Variants in CFAP251 observed in about 807,000 individuals in gnomAD.
CFAP251 encodes cilia and flagella associated protein 251, also known as cilia- and flagella-associated protein 251.
A neutral mutation model predicts 126.7 loss-of-function variants in CFAP251; 93 were observed. The observed-to-expected ratio is 0.73, with a 90% CI of 0.62 to 0.87. The LOEUF (loss-of-function observed/expected upper bound fraction) is 0.87. CFAP251 is among the 40% of genes least tolerant of loss of function. The pLI is 0.00. For missense variants in CFAP251, 1,287 were observed against 1,389.2 expected, an observed-to-expected ratio of 0.93 and a Z score of 1.17; for synonymous variants, 503 against 506.9, an observed-to-expected ratio of 0.99 and a Z score of 0.10.
chr12:121,977,832 G>C (rs1267545297), intron 19 of CFAP251, among the ~76,000 whole-genome samples: 1 of 150,864 alleles, frequency 6.6e-6, no homozygotes, highest in Non-Finnish European at 1.5e-5. Context: ...GGTGGTGGGC[G>C]CCTGTAGTCC....
In CFAP251 at chr12:121,958,958, C is replaced by T. The variant is rs1881830929; in HGVS notation, c.1997C>T (p.Ala666Val). ...GTCATTTCAGGAGCCCTTCTTGGAG[C>T]TGGCTTTACAGAGGGGACAGTTTAC... is the stretch of plus-strand genomic sequence containing the variant. ...TYNPEGALLGAGFTEGTVYIL... is the reference protein window; with the variant it reads ...TYNPEGALLGVGFTEGTVYIL... Residue 666 changes from alanine (A) to valine (V), a missense_variant, in exon 13 of 22, where the codon GCT becomes GTT. Physicochemically the swap from Ala to Val is moderately conservative, Grantham distance 64. Transcript: ENST00000288912. The T allele has an allele frequency of 6.3e-7, 1 of 1,587,944 alleles. No homozygotes were observed. Among genetic ancestry groups the T allele is most frequent in the Admixed American group, 1.9e-5 (1 of 51,702 alleles).
At chr12:121,967,544 T>C (rs763118712) in intron 16 of CFAP251, among the ~76,000 whole-genome samples, 1 of 151,758 alleles carries the variant, frequency 6.6e-6, no homozygotes, top group East Asian at 1.9e-4. Flanking sequence ...CTACTAAAAA[T>C]ACAAAAAATG....
intron 12 of CFAP251, 95 bp from the exon 13 acceptor site, chr12:121,958,848 T>C (rs1013907972): frequency 1.4e-6 from 2 of 1,406,714 alleles, no homozygotes; most frequent in Non-Finnish European, 1.9e-6. Context: ...TGTTAGTTGC[T>C]GTCTTCTCCG....
chr12:121,942,474 G>T, intron 5 of CFAP251, 60 bp from the exon 6 acceptor site: 2 of 1,249,502 alleles, frequency 1.6e-6, no homozygotes, highest in East Asian at 2.4e-5. Context: ...CCTGCCCTGG[G>T]ACTCTCTGGG....
At chr12:121,969,359 A>T in intron 17 of CFAP251, 1 of 985,404 alleles carries the variant, frequency 1.0e-6, no homozygotes, top group Non-Finnish European at 1.2e-6. Context: ...TAGGAGCTGG[A>T]GGTGAACTCT....
intron 2 of CFAP251, 109 bp downstream of exon 2, chr12:121,921,792 C>CTTTTTT (rs3040015): frequency 2.6e-4 from 209 of 796,460 alleles, no homozygotes; most frequent in Middle Eastern, 4.0e-4. Flanking sequence ...CAATCCATTC[C>CTTTTTT]TTTTTTTTTT....
rs1186495771 is a variant in CFAP251 at position 121,966,985 on chromosome 12, C to G, written c.2523C>G (p.Ser841=). ...RKTLLGPAYG[S]PIEQTQVLPV... ...CGCTTCTGGGGCCAGCTTATGGTTC[C>G]CCTATTGAGCAGACACAAGTCCTCC... Residue 841 remains serine (S), a synonymous_variant, in exon 16 of 22, where the codon TCC becomes TCG. Transcript: ENST00000288912. 1.9e-6 allele frequency: 3 copies of G among 1,614,160 alleles called. No individual in the cohort carries two copies. The highest frequency in any genetic ancestry group is 2.5e-6 in the Non-Finnish European group (3 of 1,180,034).
intron 19 of CFAP251, among the ~76,000 whole-genome samples, chr12:121,986,467 T>G (rs544291466): frequency 6.6e-6 from 1 of 151,196 alleles, no homozygotes; most frequent in Admixed American, 6.6e-5. Context: ...CTGGCTAATT[T>G]TTTTTTTGTA....
rs1361481400 is a variant in CFAP251 at position 122,001,407 on chromosome 12, C to T, written c.3236-90C>T. 8.3e-6 allele frequency: 10 copies of T among 1,203,344 alleles called. No homozygotes were observed. In the Admixed American group the frequency reaches 1.7e-4, roughly 21 times the overall value. 74.5% of individuals were successfully genotyped at this position (1,203,344 alleles called of 1,614,324 possible). ...GAAAAAAAAATAGTGGGATAATTCT[C>T]TTTAAGACCTCTGAATAATAACGCT... On this transcript the variant is annotated intron_variant, in intron 20 of 21. Coordinates refer to ENST00000288912, the MANE Select transcript of CFAP251 (RefSeq NM_144668.6).
chr12:121,948,194 G>C (rs1478790214), intron 7 of CFAP251: 1 of 152,130 alleles, frequency 6.6e-6, no homozygotes, highest in African/African-American at 2.4e-5. Context: ...TTTTGGGAAG[G>C]GAGCCAGCAG....
chr12:121,987,471 T>C (rs556269161), intron 19 of CFAP251, among the ~76,000 whole-genome samples: 46 of 152,264 alleles, frequency 3.0e-4, no homozygotes, highest in African/African-American at 9.6e-4. Context: ...TCCCAGCAGT[T>C]TGGGAGGCTG....
intron 19 of CFAP251, among the ~76,000 whole-genome samples, chr12:121,977,274 A>G (rs1269580890): frequency 2.0e-5 from 3 of 152,232 alleles, no homozygotes; most frequent in Non-Finnish European, 4.4e-5. Context: ...AAAATATAGT[A>G]TTATGACCGT....
rs372855133 is a variant in CFAP251 at position 121,968,032 on chromosome 12, C to T, written c.2634C>T (p.Asp878=). The change falls in exon 17 of 22, where the codon GAC becomes GAT. Residue 878 remains aspartate (D), a synonymous_variant. Transcript: ENST00000288912. The part of the protein sequence containing the change: ...DKVGLQILPV[D]GNPHKTSAIV... ...TGGGACTTCAGATCTTACCAGTTGA[C>T]GGCAATCCACATAAGACATCTGCTA... is the stretch of plus-strand genomic sequence containing the variant. 1.8e-4 allele frequency: 297 copies of T among 1,609,870 alleles called. No individual in the cohort carries two copies. In the African/African-American group the frequency reaches 2.9e-3, roughly 16 times the overall value.
chr12:121,924,850 ATAGT>A (rs1880346148), intron 3 of CFAP251, among the ~76,000 whole-genome samples: 1 of 152,176 alleles, frequency 6.6e-6, no homozygotes. Flanking sequence ...AATTCCAGAC[ATAGT>A]TTGTCTGTTG....
In CFAP251 at chr12:121,942,955, C is replaced by T. The variant is rs567709548; in HGVS notation, c.1171C>T (p.Pro391Ser). The T allele has an allele frequency of 5.5e-5, 88 of 1,614,040 alleles. No homozygotes were observed. Among genetic ancestry groups the T allele is most frequent in the Non-Finnish European group, 6.5e-5 (77 of 1,180,026 alleles). The change falls in exon 7 of 22, where the codon CCC becomes TCC. Residue 391 changes from proline (P) to serine (S), a missense_variant. Pro to Ser is a moderately conservative substitution (Grantham distance 74, BLOSUM62 -1). Coordinates refer to ENST00000288912, the MANE Select transcript of CFAP251 (RefSeq NM_144668.6). ...VETPACTLEL[P>S]TEYGVQNYVT... is the part of the protein sequence containing the mutation. ...AACGCCAGCATGCACTCTCGAACTC[C>T]CCACAGAGTACGGTGTTCAGGTGAG...
intron 12 of CFAP251, 91 bp from the exon 13 acceptor site, chr12:121,958,852 T>C: frequency 1.4e-6 from 2 of 1,442,530 alleles, no homozygotes; most frequent in East Asian, 4.6e-5. Flanking sequence ...AGTTGCTGTC[T>C]TCTCCGCACC....
At position 121,975,664 on chromosome 12, in the gene CFAP251, CT is replaced by C. The variant is rs1882439680; in HGVS notation, c.2989del (p.Tyr997ThrfsTer25). The part of the protein sequence containing the change: ...ELPFVMRAIG[F>X]YPSEEKIDDI... ...TTCCTTTTGTCATGAGAGCAATTGG[CT>C]TTTACCCATCTGAAGAGAAGGTAGG... On this transcript the variant is annotated frameshift_variant, in exon 19 of 22. Transcript: ENST00000288912. LOFTEE classifies it high-confidence loss of function. 1 of 1,587,244 alleles carries C rather than the reference CT, an allele frequency of 6.3e-7. No homozygotes were observed. The highest frequency in any genetic ancestry group is 8.5e-7 in the Non-Finnish European group (1 of 1,171,278).
chr12:121,968,085 G>A lies in CFAP251; in HGVS notation c.2687G>A (p.Gly896Asp), dbSNP rs1046469786. ...AIVCHPNGVAGMAVSYDGCYA... is the reference protein window; with the variant it reads ...AIVCHPNGVADMAVSYDGCYA... ...GTTTGCCACCCGAACGGGGTGGCCG[G>A]CATGGCCGTTTCCTATGATGGCTGC... The change falls in exon 17 of 22, where the codon GGC becomes GAC. Residue 896 changes from glycine to aspartate, a missense_variant. Gly to Asp is a moderately conservative substitution (Grantham distance 94). Coordinates refer to ENST00000288912, the MANE Select transcript of CFAP251 (RefSeq NM_144668.6). 1 of 1,613,658 alleles carries A rather than the reference G, an allele frequency of 6.2e-7. No homozygotes were observed. Among genetic ancestry groups the A allele is most frequent in the Non-Finnish European group, 8.5e-7 (1 of 1,179,626 alleles).
At chr12:121,962,929 G>A (rs1482287548) in intron 15 of CFAP251, among the ~76,000 whole-genome samples, 2 of 152,192 alleles carry the variant, frequency 1.3e-5, no homozygotes, top group African/African-American at 4.8e-5. Context: ...TGAGGCCAGA[G>A]TGGAATGGGC....
Sources: allele counts gnomAD v4.1 joint callset (sites outside exome capture counted in the v4.1 genomes callset), GRCh38; gene constraint gnomAD v4.1.1; transcripts MANE v1.5; gene names NCBI Gene and HGNC (gene_info 2026-07-23, HGNC 2026-07-21).